IGF2R: variants seen among roughly 807,000 people sequenced by gnomAD.
IGF2R encodes insulin like growth factor 2 receptor, also known as cation-independent mannose-6-phosphate receptor.
Under a neutral mutation model 270.6 loss-of-function variants are expected in IGF2R, and 91 were observed. The observed-to-expected ratio is 0.34, with a 90% confidence interval of 0.28 to 0.40. The LOEUF is 0.40. Ranked by LOEUF, IGF2R falls within the 10% of genes least tolerant of loss-of-function variation. The probability of loss-of-function intolerance (pLI) is 1.00; values close to 1 mark genes in which losing one functional copy is unlikely to be tolerated. For missense variants in IGF2R, 2,805 were observed against 3,188.3 expected (o/e 0.88, Z 2.90); for synonymous variants, 1,316 against 1,258.9 (o/e 1.05, Z -0.96).
chr6:159,972,394 T>C (rs536814006), intron 1 of IGF2R, among the ~76,000 whole-genome samples: 69 of 152,360 alleles, frequency 4.5e-4, no homozygotes, highest in African/African-American at 1.4e-3. Context: ...GATAGTATTC[T>C]TGTTCATTGT....
intron 1 of IGF2R, among the ~76,000 whole-genome samples, chr6:159,977,410 C>T (rs1223077756): frequency 2.0e-5 from 3 of 152,208 alleles, no homozygotes; most frequent in Non-Finnish European, 4.4e-5. Flanking sequence ...TTCAGGGAGA[C>T]TAGGGGATGG....
At chr6:159,989,603 T>A (rs555798537) in intron 1 of IGF2R, among the ~76,000 whole-genome samples, 14 of 152,292 alleles carry the variant, frequency 9.2e-5, no homozygotes, top group Admixed American at 3.9e-4. Context: ...AATAAAAAAA[T>A]TTTATTTTTG....
At chr6:160,086,228 G>C (rs1779095041) in intron 41 of IGF2R, among the ~76,000 whole-genome samples, 2 of 152,228 alleles carry the variant, frequency 1.3e-5, no homozygotes, top group South Asian at 4.1e-4. Flanking sequence ...TGCAAGTCCA[G>C]CCTCGCCTGG....
chr6:160,015,756 G>A (rs923343395), intron 4 of IGF2R, among the ~76,000 whole-genome samples: 6 of 152,168 alleles, frequency 3.9e-5, no homozygotes, highest in African/African-American at 1.4e-4. Flanking sequence ...TGCTGGAGGT[G>A]GGGCCTGGTG....
chr6:160,058,137 T>C lies in IGF2R; in HGVS notation c.2898+13T>C, dbSNP rs773660008. 5.2e-5 allele frequency: 81 copies of C among 1,544,312 alleles called. No individual in the cohort carries two copies. The highest frequency in any genetic ancestry group is 1.7e-4 in the Middle Eastern group (1 of 5,954). On this transcript the variant is annotated intron_variant, in intron 21 of 47. Coordinates refer to ENST00000356956, the MANE Select transcript of IGF2R (RefSeq NM_000876.4). Reference sequence around the variant, plus strand: ...GAAGATTTTTATGGTAAGAGCGATATGATGCATTTCCAGTTTGCTTTGAAA... The same window carrying C: ...GAAGATTTTTATGGTAAGAGCGATACGATGCATTTCCAGTTTGCTTTGAAA...
chr6:160,025,394 A>G (rs1777537998), intron 5 of IGF2R, among the ~76,000 whole-genome samples: 1 of 152,178 alleles, frequency 6.6e-6, no homozygotes, highest in Non-Finnish European at 1.5e-5. Flanking sequence ...TCTGCTGGTG[A>G]TTAACTAATC....
chr6:159,992,894 C>T lies in IGF2R; in HGVS notation c.289+1571C>T, dbSNP rs192789812. Among the ~76,000 whole-genome samples, 165 of 152,242 alleles carry T rather than the reference C, an allele frequency of 1.1e-3. 2 individuals are homozygous for T. Among genetic ancestry groups the T allele is most frequent in the African/African-American group, 3.8e-3 (158 of 41,536 alleles). ...TCCCACCAGTGTATGTAAGCATTCCCGTTTTTCTACGTTCTTGCCAACATC... is the reference window on the plus strand; with the variant it reads ...TCCCACCAGTGTATGTAAGCATTCCTGTTTTTCTACGTTCTTGCCAACATC... On this transcript the variant is annotated intron_variant, in intron 2 of 47. Coordinates refer to ENST00000356956, the MANE Select transcript of IGF2R (RefSeq NM_000876.4).
intron 2 of IGF2R, among the ~76,000 whole-genome samples, chr6:159,999,813 T>C (rs538877073): frequency 6.6e-6 from 1 of 152,232 alleles, no homozygotes; most frequent in African/African-American, 2.4e-5. Context: ...CAGTTAAGAT[T>C]TGAAAGTAAA....
intron 17 of IGF2R, 104 bp downstream of exon 17, chr6:160,048,011 G>A (rs1007350846): frequency 2.5e-6 from 2 of 801,202 alleles, no homozygotes; most frequent in Admixed American, 3.8e-5. Flanking sequence ...AGTGATGCTG[G>A]CTGTGGGGCT....
intron 2 of IGF2R, chr6:160,006,472 GGCA>G (rs1784240062): frequency 6.5e-6 from 1 of 152,748 alleles, no homozygotes; most frequent in Non-Finnish European, 1.5e-5. Context: ...CTGTCCACGA[GGCA>G]CTGACCTTGG....
chr6:159,997,776 C>T (rs1007037247), intron 2 of IGF2R, among the ~76,000 whole-genome samples: 12 of 152,148 alleles, frequency 7.9e-5, no homozygotes, highest in South Asian at 2.1e-4. Context: ...TTCTGAGAAC[C>T]GGCCTCTGGC....
chr6:159,996,572 A>T (rs1784057345), intron 2 of IGF2R, among the ~76,000 whole-genome samples: 1 of 151,936 alleles, frequency 6.6e-6, no homozygotes, highest in South Asian at 2.1e-4. Context: ...GTCTGCGGGG[A>T]GGTGTGGGGG....
Position 160,078,375 on chromosome 6 carries a change from C to T in IGF2R, c.5478+13C>T. On this transcript the variant is annotated intron_variant, in intron 37 of 47. Coordinates refer to ENST00000356956, the MANE Select transcript of IGF2R (RefSeq NM_000876.4). Reference sequence around the variant, plus strand: ...GAGCACCTTTAAGGTAATGCGTTCACCCTGGGCGTTGCTGGTGCAGGTGTA... The same window carrying T: ...GAGCACCTTTAAGGTAATGCGTTCATCCTGGGCGTTGCTGGTGCAGGTGTA... 1.9e-6 allele frequency: 3 copies of T among 1,611,170 alleles called. No individual in the cohort carries two copies. Among genetic ancestry groups the T allele is most frequent in the Non-Finnish European group, 2.5e-6 (3 of 1,177,680 alleles).
chr6:160,050,737 C>T lies in IGF2R; in HGVS notation c.2694+85C>T. 1 of 1,272,742 alleles carries T rather than the reference C, an allele frequency of 7.9e-7. No homozygotes were observed. Among genetic ancestry groups the T allele is most frequent in the Non-Finnish European group, 1.1e-6 (1 of 926,654 alleles). 78.8% of individuals were successfully genotyped at this position (1,272,742 alleles called of 1,614,324 possible). A position where few individuals can be genotyped will look rare whatever the true frequency, so the allele number is the denominator to read the frequency against. ...TTATGTGTCTCTTAACAGCAGCAGTCTTGGGGTGGGTGGCGGAGCTAGGCC... is the reference window on the plus strand; with the variant it reads ...TTATGTGTCTCTTAACAGCAGCAGTTTTGGGGTGGGTGGCGGAGCTAGGCC... On this transcript the variant is annotated intron_variant, in intron 19 of 47. Transcript: ENST00000356956. This position sits in a 1 kb window ranked among gnomAD's most constrained non-coding sequence, Gnocchi z 4.0.
intron 21 of IGF2R, 54 bp downstream of exon 21, chr6:160,058,178 T>C: frequency 8.5e-7 from 1 of 1,176,498 alleles, no homozygotes; most frequent in Non-Finnish European, 1.3e-6. Context: ...GGAGAGTGCA[T>C]TATTGAAGTC....
rs768828328 is a variant in IGF2R at position 160,063,451 on chromosome 6, A to G, written c.3707A>G (p.Asn1236Ser). The G allele has an allele frequency of 8.7e-6, 14 of 1,612,786 alleles. No individual in the cohort carries two copies. The South Asian group carries it at 1.2e-4, about 14-fold the overall frequency. Reference protein sequence around the residue: ...NCEVKDPRHGNLYDLKPLGLN... With the variant: ...NCEVKDPRHGSLYDLKPLGLN... ...GAGGTGAAAGACCCAAGGCATGGCA[A>G]CTTGTATGACCTGAAGCCCCTGGGC... The change falls in exon 27 of 48, where the codon AAC becomes AGC. Residue 1236 changes from asparagine to serine, a missense_variant. This residue lies in a region of IGF2R where 1,851 missense variants were observed against 2,207.2 expected (regional missense o/e 0.84). Transcript: ENST00000356956.
At chr6:160,009,774 T>A (rs1784304878) in intron 3 of IGF2R, among the ~76,000 whole-genome samples, 1 of 152,212 alleles carries the variant, frequency 6.6e-6, no homozygotes, top group South Asian at 2.1e-4. Context: ...ATGAATGTTC[T>A]TGAATCCCAG....
rs759780133 is a variant in IGF2R at position 160,048,423 on chromosome 6, C to A, written c.2394C>A (p.Asp798Glu). 1 of 1,614,220 alleles carries A rather than the reference C, an allele frequency of 6.2e-7. No individual in the cohort carries two copies. Among genetic ancestry groups the A allele is most frequent in the South Asian group, 1.1e-5 (1 of 91,088 alleles). Residue 798 changes from aspartate to glutamate, a missense_variant, in exon 18 of 48, where the codon GAC becomes GAA. Physicochemically the swap from Asp to Glu is conservative, Grantham distance 45. Transcript: ENST00000356956. ...TTGGAGGAAACTGGTATGCCATGGACAACTCAGGGGAACATGTCACGTGGA... is the reference window on the plus strand; with the variant it reads ...TTGGAGGAAACTGGTATGCCATGGAAAACTCAGGGGAACATGTCACGTGGA... Reference protein sequence around the residue: ...GGLGGNWYAMDNSGEHVTWRK... With the variant: ...GGLGGNWYAMENSGEHVTWRK...
chr6:160,012,778 T>G (rs1784358549), intron 4 of IGF2R, among the ~76,000 whole-genome samples: 1 of 139,890 alleles, frequency 7.1e-6, no homozygotes, highest in Non-Finnish European at 1.5e-5. Flanking sequence ...TTTTTTTTTT[T>G]GTTTGTTTGT....
Sources: gnomAD v4.1 joint callset for allele counts (sites outside exome capture counted in the v4.1 genomes callset) on GRCh38, gnomAD v4.1.1 for gene constraint, gnomAD v4.1.1 regional missense constraint, Gnocchi (gnomAD v3.1) non-coding constraint, MANE v1.5 for transcripts, NCBI Gene and HGNC (gene_info 2026-07-23, HGNC 2026-07-21) for gene names.